ERC2: variants seen among roughly 807,000 people sequenced by gnomAD.
ERC2 encodes ELKS/RAB6-interacting/CAST family member 2, also known as ERC protein 2.
In ERC2, 42 loss-of-function variants were observed where a neutral mutation model predicts 114.8. The observed-to-expected ratio is 0.37, with a 90% CI of 0.29 to 0.47. The LOEUF (loss-of-function observed/expected upper bound fraction) is 0.47, where lower values mean the gene tolerates loss of function less well. Ranked by LOEUF, ERC2 falls within the 20% of genes least tolerant of loss-of-function variation. The pLI, the probability that ERC2 is intolerant of heterozygous loss-of-function variation, is 0.99. For synonymous variants in ERC2, 454 were observed against 425.5 expected, an observed-to-expected ratio of 1.07 and a Z score of -0.82; for missense variants, 939 against 1,150.7, an observed-to-expected ratio of 0.82 and a Z score of 2.66.
chr3:55,958,049 C>A (rs1215233164), intron 12 of ERC2, among the ~76,000 whole-genome samples: 1 of 152,174 alleles, frequency 6.6e-6, no homozygotes, highest in African/African-American at 2.4e-5. Flanking sequence ...GTCCCACTTC[C>A]AGGAAGAATG....
intron 12 of ERC2, among the ~76,000 whole-genome samples, chr3:55,966,702 T>G (rs1291380715): frequency 1.3e-5 from 2 of 152,254 alleles, no homozygotes; most frequent in East Asian, 3.9e-4. Flanking sequence ...ACTGAATACC[T>G]CTGATTTACC....
At chr3:55,665,905 G>A (rs1257759714) in intron 17 of ERC2, among the ~76,000 whole-genome samples, 1 of 152,198 alleles carries the variant, frequency 6.6e-6, no homozygotes, top group African/African-American at 2.4e-5. Context: ...GAGCTACTCA[G>A]TCAAGATCAC....
intron 15 of ERC2, among the ~76,000 whole-genome samples, chr3:55,711,075 C>T (rs2063753976): frequency 6.6e-6 from 1 of 152,150 alleles, no homozygotes; most frequent in African/African-American, 2.4e-5. Context: ...ATTGGTTTTG[C>T]GTTCCAAAGT....
At chr3:55,997,920 G>GTT (rs2071704399) in intron 10 of ERC2, among the ~76,000 whole-genome samples, 2 of 17,196 alleles carry the variant, frequency 1.2e-4, no homozygotes, top group African/African-American at 2.1e-4. Context: ...GTGTGTGTGT[G>GTT]TGTTTTTTGT....
intron 17 of ERC2, among the ~76,000 whole-genome samples, chr3:55,513,582 G>A (rs756719232): frequency 6.6e-6 from 1 of 151,974 alleles, no homozygotes; most frequent in Non-Finnish European, 1.5e-5. Flanking sequence ...CTGATGAATT[G>A]TCTAGACTTG....
chr3:55,638,594 G>C (rs1451101543), intron 17 of ERC2, among the ~76,000 whole-genome samples: 3 of 152,162 alleles, frequency 2.0e-5, no homozygotes, highest in Non-Finnish European at 4.4e-5. Context: ...AAAGAGTCAC[G>C]TTAGAGTCTG....
chr3:56,208,198 A>G (rs1433917586), intron 3 of ERC2, among the ~76,000 whole-genome samples: 5 of 152,184 alleles, frequency 3.3e-5, no homozygotes, highest in Non-Finnish European at 7.3e-5. Context: ...TAGAATTTCC[A>G]TGATTCATCC....
chr3:55,548,818 A>G (rs2054942772), intron 17 of ERC2, among the ~76,000 whole-genome samples: 1 of 152,186 alleles, frequency 6.6e-6, no homozygotes, highest in African/African-American at 2.4e-5. Context: ...GGTGGCAGGC[A>G]AACTGGGAGA....
intron 4 of ERC2, among the ~76,000 whole-genome samples, chr3:56,150,551 A>G (rs1397993648): frequency 6.6e-6 from 1 of 152,200 alleles, no homozygotes; most frequent in African/African-American, 2.4e-5. Flanking sequence ...CAAGATTATT[A>G]GGAAATGGAA....
At chr3:55,658,378 G>C (rs372498657) in intron 17 of ERC2, 21 of 152,276 alleles carry the variant, frequency 1.4e-4, no homozygotes, top group African/African-American at 5.1e-4. Context: ...CATTGGTCTA[G>C]TTTGATTATG....
At chr3:55,594,568 G>A (rs1394180116) in intron 17 of ERC2, among the ~76,000 whole-genome samples, 4 of 152,028 alleles carry the variant, frequency 2.6e-5, no homozygotes, top group Non-Finnish European at 4.4e-5. Context: ...TGCAACCTCC[G>A]CACCCTGGGT....
At chr3:55,781,309 C>G (rs1442006307) in intron 14 of ERC2, among the ~76,000 whole-genome samples, 4 of 152,164 alleles carry the variant, frequency 2.6e-5, no homozygotes, top group African/African-American at 9.7e-5. Context: ...AGAACAAGCA[C>G]TGGGATGGGA....
intron 14 of ERC2, among the ~76,000 whole-genome samples, chr3:55,786,357 C>T (rs1436654924): frequency 1.3e-5 from 2 of 152,176 alleles, no homozygotes; most frequent in Admixed American, 6.5e-5. Flanking sequence ...AGGGCCATGC[C>T]CATTGAGCTC....
chr3:55,516,298 TTAACA>T (rs2052499656), intron 17 of ERC2, among the ~76,000 whole-genome samples: 1 of 152,056 alleles, frequency 6.6e-6, no homozygotes, highest in African/African-American at 2.4e-5. Context: ...GTGTTATTAC[TTAACA>T]TCTTTAAAAA....
intron 7 of ERC2, among the ~76,000 whole-genome samples, chr3:56,039,722 T>A (rs999507128): frequency 6.6e-6 from 1 of 152,136 alleles, no homozygotes; most frequent in Admixed American, 6.5e-5. Context: ...TCTGGAAGCA[T>A]CATGCTACTT....
At chr3:55,674,946 G>A (rs1235235247) in intron 17 of ERC2, among the ~76,000 whole-genome samples, 2 of 152,150 alleles carry the variant, frequency 1.3e-5, no homozygotes, top group African/African-American at 2.4e-5. Flanking sequence ...GAAAGAAATG[G>A]CAAGGAGTCT....
chr3:56,338,307 A>G (rs1212693897), intron 2 of ERC2, among the ~76,000 whole-genome samples: 1 of 152,242 alleles, frequency 6.6e-6, no homozygotes, highest in African/African-American at 2.4e-5. Flanking sequence ...ATATCTCACA[A>G]TAACAAAGCA....
intron 1 of ERC2, among the ~76,000 whole-genome samples, chr3:56,462,544 CT>C (rs1158628108): frequency 6.6e-6 from 1 of 152,192 alleles, no homozygotes; most frequent in Admixed American, 6.5e-5. Context: ...CCTCCTAAAT[CT>C]TAATCCAGCC....
At chr3:55,942,522 C>T (rs540723419) in intron 13 of ERC2, among the ~76,000 whole-genome samples, 3 of 150,306 alleles carry the variant, frequency 2.0e-5, no homozygotes, top group Non-Finnish European at 3.0e-5. Flanking sequence ...TGGTCTCGAT[C>T]TCCTGACCTC....
Sources: allele counts gnomAD v4.1 joint callset (sites outside exome capture counted in the v4.1 genomes callset), GRCh38; gene constraint gnomAD v4.1.1; transcripts MANE v1.5; gene names NCBI Gene and HGNC (gene_info 2026-07-23, HGNC 2026-07-21).